Variants in RGS6 observed in about 807,000 individuals in gnomAD.
The protein encoded by RGS6 is regulator of G-protein signaling 6.
In RGS6, 30 loss-of-function variants were observed where a neutral mutation model predicts 78.5. The observed-to-expected ratio is 0.38, with a 90% CI of 0.29 to 0.52. The LOEUF is 0.52. Among genes scored for constraint, RGS6 ranks in the 20% least tolerant of loss-of-function variants. The probability of loss-of-function intolerance (pLI) is 0.85; values close to 1 mark genes in which losing one functional copy is unlikely to be tolerated. For missense variants in RGS6, 495 were observed against 609.7 expected (o/e 0.81, Z 1.98); for synonymous variants, 206 against 206.0 (o/e 1.00, Z 0.00).
chr14:72,278,605 T>G (rs1245658937), intron 2 of RGS6, among the ~76,000 whole-genome samples: 1 of 152,212 alleles, frequency 6.6e-6, no homozygotes, highest in African/African-American at 2.4e-5. Context: ...TACATACATA[T>G]ACATTTATAT....
chr14:72,608,315 C>G, the RGS6 span, among the ~76,000 whole-genome samples: 3 of 152,254 alleles, frequency 2.0e-5, no homozygotes, highest in Middle Eastern at 3.4e-3. Context: ...AACCAATTCC[C>G]GCATGGACCA....
intron 15 of RGS6, among the ~76,000 whole-genome samples, chr14:72,528,480 A>G (rs1245187909): frequency 6.6e-6 from 1 of 152,210 alleles, no homozygotes; most frequent in African/African-American, 2.4e-5. Flanking sequence ...TTAGAGCCCT[A>G]GAGCATTGGT....
intron 2 of RGS6, among the ~76,000 whole-genome samples, chr14:72,093,752 CAG>C (rs928932683): frequency 6.6e-6 from 1 of 152,106 alleles, no homozygotes; most frequent in Admixed American, 6.6e-5. Context: ...CAGTGCTGAA[CAG>C]ACACCTTTAC....
At chr14:72,037,688 AGTTG>A in intron 2 of RGS6, among the ~76,000 whole-genome samples, 1 of 128,726 alleles carries the variant, frequency 7.8e-6, no homozygotes, top group East Asian at 2.8e-4. Context: ...TCAAAAACTC[AGTTG>A]GTAAAACTGT....
intron 13 of RGS6, among the ~76,000 whole-genome samples, chr14:72,495,778 C>T (rs1186577831): frequency 6.6e-6 from 1 of 152,140 alleles, no homozygotes; most frequent in African/African-American, 2.4e-5. Context: ...GCAGAGGGCT[C>T]CAGAACCATG....
chr14:71,929,441 GCATAT>G (rs1326386832), upstream of RGS6, among the ~76,000 whole-genome samples: 3 of 152,104 alleles, frequency 2.0e-5, no homozygotes, highest in Non-Finnish European at 2.9e-5. Context: ...TACATTCTCA[GCATAT>G]CATATCAGGA....
Position 72,193,470 on chromosome 14 carries a change from C to T in RGS6, c.85-158625C>T, listed in dbSNP as rs150614028. 2.6e-4 allele frequency among the ~76,000 whole-genome samples: 40 copies of T among 152,320 alleles called. 1 individual carries two copies. The highest frequency in any genetic ancestry group is 9.4e-4 in the African/African-American group (39 of 41,578). ...AATCGGCTTCCATTCATTCATTCAA[C>T]CCATATTTACTGAGCCCCAGTGTGT... On this transcript the variant is annotated intron_variant, in intron 2 of 17. Coordinates refer to ENST00000553525, the MANE Select transcript of RGS6 (RefSeq NM_001204424.2).
intron 2 of RGS6, among the ~76,000 whole-genome samples, chr14:72,185,008 G>T (rs950188882): frequency 6.6e-6 from 1 of 152,176 alleles, no homozygotes; most frequent in African/African-American, 2.4e-5. Flanking sequence ...AAGTAGGGAA[G>T]CCAACAGTGT....
At chr14:71,963,152 T>G (rs2093319235) in intron 1 of RGS6, among the ~76,000 whole-genome samples, 2 of 152,296 alleles carry the variant, frequency 1.3e-5, no homozygotes, top group South Asian at 4.1e-4. Context: ...TCAGAGCATA[T>G]AGCAGGTGTT....
At chr14:72,144,886 A>T (rs1255421452) in intron 2 of RGS6, among the ~76,000 whole-genome samples, 3 of 152,000 alleles carry the variant, frequency 2.0e-5, no homozygotes, top group Non-Finnish European at 4.4e-5. Flanking sequence ...CAGGAATGAG[A>T]GTTTTATTAT....
chr14:72,284,190 C>T (rs894945680), intron 2 of RGS6, among the ~76,000 whole-genome samples: 7 of 152,140 alleles, frequency 4.6e-5, no homozygotes, highest in East Asian at 1.9e-4. Flanking sequence ...AGCCTGATGA[C>T]GCAGTAGAAA....
intron 2 of RGS6, among the ~76,000 whole-genome samples, chr14:72,002,160 A>C (rs891254730): frequency 6.6e-6 from 1 of 151,964 alleles, no homozygotes; most frequent in Non-Finnish European, 1.5e-5. Flanking sequence ...AAGTGCTGGG[A>C]TTACAGACGT....
chr14:72,557,478 C>T (rs2153545698), intron 17 of RGS6, among the ~76,000 whole-genome samples: 1 of 152,322 alleles, frequency 6.6e-6, no homozygotes, highest in South Asian at 2.1e-4. Context: ...TGGCTTCTCC[C>T]ATCCTGCTGA....
At chr14:72,133,392 T>G (rs1014921011) in intron 2 of RGS6, among the ~76,000 whole-genome samples, 1 of 152,148 alleles carries the variant, frequency 6.6e-6, no homozygotes, top group Non-Finnish European at 1.5e-5. Context: ...AAGTTCCCTT[T>G]GCGATACACA....
chr14:72,442,682 T>C (rs916859644), intron 3 of RGS6, among the ~76,000 whole-genome samples: 1 of 152,200 alleles, frequency 6.6e-6, no homozygotes, highest in African/African-American at 2.4e-5. Flanking sequence ...GGTGTTATCC[T>C]CATGTCCACT....
chr14:72,397,932 G>A (rs374252327), intron 3 of RGS6, among the ~76,000 whole-genome samples: 5 of 152,146 alleles, frequency 3.3e-5, no homozygotes, highest in African/African-American at 7.2e-5. Flanking sequence ...GCTTTTTGAT[G>A]TGCTGCTGGA....
At chr14:72,072,517 C>T (rs986932077) in intron 2 of RGS6, among the ~76,000 whole-genome samples, 1 of 152,022 alleles carries the variant, frequency 6.6e-6, no homozygotes, top group Non-Finnish European at 1.5e-5. Context: ...CCGTGTTAGC[C>T]AGGATGGTGT....
chr14:72,185,892 AGGCCACT>A (rs2097237131), intron 2 of RGS6, among the ~76,000 whole-genome samples: 2 of 152,374 alleles, frequency 1.3e-5, no homozygotes, highest in Non-Finnish European at 2.9e-5. Context: ...CAATGAGCTC[AGGCCACT>A]GTACTTGAGC....
chr14:72,401,627 GAA>G lies in RGS6; in HGVS notation c.184+49445_184+49446del, dbSNP rs77898540. 5.5e-3 allele frequency among the ~76,000 whole-genome samples: 710 copies of G among 128,732 alleles called. 3 individuals carry two copies. Among genetic ancestry groups the G allele is most frequent in the African/African-American group, 0.019 (647 of 33,542 alleles). 84.5% of individuals were successfully genotyped at this position (128,732 alleles called of 152,430 possible). On this transcript the variant is annotated intron_variant, in intron 3 of 17. Transcript: ENST00000553525. ...TGGGATTTCCAAATGTTTCTACTGA[GAA>G]AAAAAAAAAAAGGAAACGTGCAATT...
Sources: gnomAD v4.1 joint callset for allele counts (sites outside exome capture counted in the v4.1 genomes callset) on GRCh38, gnomAD v4.1.1 for gene constraint, MANE v1.5 for transcripts, NCBI Gene and HGNC (gene_info 2026-07-23, HGNC 2026-07-21) for gene names.